Variants in ERCC5 observed in about 807,000 individuals in gnomAD.
ERCC5 encodes DNA excision repair protein ERCC-5.
Under a neutral mutation model 105.6 loss-of-function variants are expected in ERCC5, and 68 were observed. The observed-to-expected ratio is 0.64, with a 90% CI of 0.53 to 0.79. The LOEUF (loss-of-function observed/expected upper bound fraction) is 0.79, where lower values mean the gene tolerates loss of function less well. ERCC5 is among the 30% of genes least tolerant of loss of function. The probability of loss-of-function intolerance (pLI) is 0.00; values close to 1 mark genes in which losing one functional copy is unlikely to be tolerated. For synonymous variants in ERCC5, 546 were observed against 526.2 expected (o/e 1.04, Z -0.51); for missense variants, 1,373 against 1,426.7 (o/e 0.96, Z 0.61).
rs4150320 is a variant in ERCC5 at position 102,863,139 on chromosome 13, T to C, written c.1954+36T>C. 1.0e-3 allele frequency: 1,638 copies of C among 1,600,164 alleles called. 16 individuals are homozygous for C. In the African/African-American group the frequency reaches 0.019, roughly 19 times the overall value. On this transcript the variant is annotated intron_variant, in intron 8 of 14. Coordinates refer to ENST00000652225, the MANE Select transcript of ERCC5 (RefSeq NM_000123.4). ...GTGCTTTTGTAGAAATCTGGAACGG[T>C]AGGATTTCCCCTCTGTAGGAATTCA...
In ERCC5 at chr13:102,846,261, C is replaced by T. The variant is rs1881953167; in HGVS notation, c.-6C>T. The T allele has an allele frequency of 1.2e-6, 2 of 1,612,216 alleles. No individual in the cohort carries two copies. Among genetic ancestry groups the T allele is most frequent in the Non-Finnish European group, 1.7e-6 (2 of 1,179,142 alleles). Reference sequence around the variant, plus strand: ...TCGGGGTCCGCTCTTAGGACGCAGCCGCCTCATGGGGGTCCAGGGGCTCTG... The same window carrying T: ...TCGGGGTCCGCTCTTAGGACGCAGCTGCCTCATGGGGGTCCAGGGGCTCTG... On this transcript the variant is annotated 5_prime_UTR_variant, in exon 1 of 15. Coordinates refer to ENST00000652225, the MANE Select transcript of ERCC5 (RefSeq NM_000123.4).
intron 6 of ERCC5, among the ~76,000 whole-genome samples, chr13:102,859,529 G>T (rs1882545903): frequency 6.6e-6 from 1 of 152,218 alleles, no homozygotes; most frequent in Non-Finnish European, 1.5e-5. Flanking sequence ...AGTATGAAAG[G>T]ATCTCTGGCT....
chr13:102,871,705 G>A (rs1883039331), intron 12 of ERCC5, among the ~76,000 whole-genome samples: 1 of 151,416 alleles, frequency 6.6e-6, no homozygotes, highest in African/African-American at 2.4e-5. Flanking sequence ...CATTTTCTTG[G>A]CATATTTACA....
At chr13:102,861,978 T>C (rs2090407720) in intron 7 of ERCC5, 52 bp from the exon 8 acceptor site, 3 of 1,602,468 alleles carry the variant, frequency 1.9e-6, no homozygotes, top group Admixed American at 3.3e-5. Context: ...ACTAGAAGCG[T>C]ATTGTCACAC....
chr13:102,859,776 T>C (rs1459077736), intron 6 of ERCC5, among the ~76,000 whole-genome samples: 1 of 152,212 alleles, frequency 6.6e-6, no homozygotes, highest in African/African-American at 2.4e-5. Context: ...CGTGCAAATG[T>C]AATATTGATA....
At chr13:102,873,193 G>C (rs1450814109) in intron 13 of ERCC5, 66 bp from the exon 14 acceptor site, 1 of 1,599,950 alleles carries the variant, frequency 6.3e-7, no homozygotes, top group Non-Finnish European at 8.6e-7. Flanking sequence ...TGGGTTCTTT[G>C]GACCTTTTTA....
chr13:102,866,212 A>C (rs1284910532), intron 9 of ERCC5, 50 bp from the exon 10 acceptor site: 1 of 1,606,384 alleles, frequency 6.2e-7, no homozygotes, highest in Admixed American at 1.7e-5. Flanking sequence ...TGTAAACAAA[A>C]CTCATTTGGA....
intron 7 of ERCC5, 85 bp downstream of exon 7, chr13:102,861,799 A>G: frequency 6.6e-7 from 1 of 1,504,812 alleles, no homozygotes; most frequent in South Asian, 1.2e-5. Flanking sequence ...GCACCCCTGG[A>G]TAATATTAAT....
At position 102,866,066 on chromosome 13, in the gene ERCC5, G is replaced by C. The variant is rs56230254; in HGVS notation, c.2199+155G>C. 1,812 of 1,499,120 alleles carry C rather than the reference G, an allele frequency of 1.2e-3. 26 individuals carry two copies. In the African/African-American group the frequency reaches 0.023, roughly 19 times the overall value. The allele number at this position is 1,499,120 out of a possible 1,614,324, so 92.9% of individuals were successfully genotyped here. On this transcript the variant is annotated intron_variant, in intron 9 of 14. Coordinates refer to ENST00000652225, the MANE Select transcript of ERCC5 (RefSeq NM_000123.4). Reference sequence around the variant, plus strand: ...CATTTTTGTGTAGGTTACTGGCTGGGATAGACTCCGTTTTCCATGTGGTTT... The same window carrying C: ...CATTTTTGTGTAGGTTACTGGCTGGCATAGACTCCGTTTTCCATGTGGTTT...
In ERCC5 at chr13:102,862,047, G is replaced by A; in HGVS notation, c.898G>A (p.Val300Ile). 1 of 1,614,232 alleles carries A rather than the reference G, an allele frequency of 6.2e-7. No individual in the cohort carries two copies. The highest frequency in any genetic ancestry group is 1.1e-5 in the South Asian group (1 of 91,086). Residue 300 changes from valine (V) to isoleucine (I), a missense_variant, in exon 8 of 15, where the codon GTT becomes ATT. Coordinates refer to ENST00000652225, the MANE Select transcript of ERCC5 (RefSeq NM_000123.4). ...ILIKGIQAKT[V>I]AEVDSESLPS... ...TTCTTAAGGTATTCAAGCTAAGACA[G>A]TTGCAGAAGTGGATTCAGAGTCTCT... is the stretch of plus-strand genomic sequence containing the variant.
chr13:102,865,211 CAGTA>C lies in ERCC5; in HGVS notation c.1955-453_1955-450del, dbSNP rs1455315115. The C allele has an allele frequency of 4.5e-6, 1 of 221,436 alleles. No homozygotes were observed. The highest frequency in any genetic ancestry group is 2.4e-5 in the African/African-American group (1 of 42,456). The allele number at this position is 221,436 out of a possible 1,614,324, so 13.7% of individuals were successfully genotyped here. ...AATATATTTTAAGGAGAAGGAAAGA[CAGTA>C]AGACAGTAAGAGAGGAGAGAAGGGA... On this transcript the variant is annotated intron_variant, in intron 8 of 14. Coordinates refer to ENST00000652225, the MANE Select transcript of ERCC5 (RefSeq NM_000123.4). The surrounding 1 kb of genome is among the most constrained non-coding windows in gnomAD (Gnocchi z 4.0).
Position 102,865,584 on chromosome 13 carries a change from G to T in ERCC5, c.1955-83G>T. Reference sequence around the variant, plus strand: ...CTTTTTAGGATGTAGCATTTTTCAGGTTCCTCCAGAAAGCTCTTGATGATT... The same window carrying T: ...CTTTTTAGGATGTAGCATTTTTCAGTTTCCTCCAGAAAGCTCTTGATGATT... On this transcript the variant is annotated intron_variant, in intron 8 of 14. Coordinates refer to ENST00000652225, the MANE Select transcript of ERCC5 (RefSeq NM_000123.4). The surrounding 1 kb of genome is among the most constrained non-coding windows in gnomAD (Gnocchi z 4.0). 1.9e-6 allele frequency: 3 copies of T among 1,572,546 alleles called. No individual in the cohort carries two copies. The highest frequency in any genetic ancestry group is 1.2e-5 in the South Asian group (1 of 86,642).
chr13:102,849,054 A>G (rs2140514167), intron 1 of ERCC5: 1 of 466,002 alleles, frequency 2.1e-6, no homozygotes, highest in Admixed American at 2.4e-5. Context: ...TTAAAGTTTA[A>G]AGTAGTGGGC....
intron 2 of ERCC5, 60 bp from the exon 3 acceptor site, chr13:102,853,697 A>G: frequency 6.6e-7 from 1 of 1,525,054 alleles, no homozygotes; most frequent in African/African-American, 1.4e-5. Flanking sequence ...AATAAATCAC[A>G]GCAATGTTTC....
intron 6 of ERCC5, among the ~76,000 whole-genome samples, chr13:102,861,009 G>A (rs7339133): frequency 1 from 147,378 of 147,692 alleles, 73,534 homozygotes; most frequent in Middle Eastern, 1. Flanking sequence ...TTTTTTTGAG[G>A]GGAAGTCTCG....
At chr13:102,854,454 A>G (rs1325437835) in intron 4 of ERCC5, 80 bp downstream of exon 4, 2 of 1,343,902 alleles carry the variant, frequency 1.5e-6, no homozygotes, top group African/African-American at 1.5e-5. Flanking sequence ...TGTTATCTAC[A>G]TGATAAGGCA....
At position 102,865,504 on chromosome 13, in the gene ERCC5, A is replaced by G. The variant is rs1452974166; in HGVS notation, c.1955-163A>G. Reference sequence around the variant, plus strand: ...TGAAGTTACAGGCATTTGTGATTACATTTATTTATTAATAACGCTACTATT... The same window carrying G: ...TGAAGTTACAGGCATTTGTGATTACGTTTATTTATTAATAACGCTACTATT... On this transcript the variant is annotated intron_variant, in intron 8 of 14. Coordinates refer to ENST00000652225, the MANE Select transcript of ERCC5 (RefSeq NM_000123.4). The surrounding 1 kb of genome is among the most constrained non-coding windows in gnomAD (Gnocchi z 4.0). 4 of 995,066 alleles carry G rather than the reference A, an allele frequency of 4.0e-6. No individual in the cohort carries two copies. Among genetic ancestry groups the G allele is most frequent in the Non-Finnish European group, 5.8e-6 (4 of 687,142 alleles). 61.6% of individuals were successfully genotyped at this position (995,066 alleles called of 1,614,324 possible). A position where few individuals can be genotyped will look rare whatever the true frequency, so the allele number is the denominator to read the frequency against.
intron 1 of ERCC5, chr13:102,849,394 T>A (rs544177717): frequency 4.4e-5 from 23 of 518,934 alleles, no homozygotes; most frequent in Non-Finnish European, 8.9e-5. Context: ...TGCACTGGCT[T>A]CCTGGAGATA....
At position 102,866,691 on chromosome 13, in the gene ERCC5, G is replaced by A; in HGVS notation, c.2379G>A (p.Gln793=). The part of the protein sequence containing the change: ...YIQAPMEAEA[Q]CAILDLTDQT... Reference sequence around the variant, plus strand: ...AGGCTCCCATGGAAGCAGAGGCGCAGTGCGCCATCCTGGACCTGACTGATC... The same window carrying A: ...AGGCTCCCATGGAAGCAGAGGCGCAATGCGCCATCCTGGACCTGACTGATC... Residue 793 remains glutamine, a synonymous_variant, in exon 11 of 15, where the codon CAG becomes CAA. Coordinates refer to ENST00000652225, the MANE Select transcript of ERCC5 (RefSeq NM_000123.4). 6.2e-7 allele frequency: 1 copy of A among 1,614,222 alleles called. No homozygotes were observed. Among genetic ancestry groups the A allele is most frequent in the Non-Finnish European group, 8.5e-7 (1 of 1,180,040 alleles).
Sources: allele counts gnomAD v4.1 joint callset (sites outside exome capture counted in the v4.1 genomes callset), GRCh38; gene constraint gnomAD v4.1.1; non-coding constraint Gnocchi (gnomAD v3.1); transcripts MANE v1.5; gene names NCBI Gene and HGNC (gene_info 2026-07-23, HGNC 2026-07-21).